Variants in AACS observed in about 807,000 individuals in gnomAD.
The protein encoded by AACS is acetoacetyl-CoA synthetase, also known as acetoacetate-CoA ligase.
AACS carries 69 observed loss-of-function variants against 83.1 expected under a neutral mutation model. The ratio of observed to expected loss-of-function variants is 0.83; its 90% CI spans 0.68 to 1.01. The LOEUF (loss-of-function observed/expected upper bound fraction) is 1.01, where lower values mean the gene tolerates loss of function less well. Among genes scored for constraint, AACS ranks in the 50% least tolerant of loss-of-function variants. The pLI, the probability that AACS is intolerant of heterozygous loss-of-function variation, is 0.00. For missense variants in AACS, 866 were observed against 882.2 expected (o/e 0.98, Z 0.23); for synonymous variants, 333 against 343.4 (o/e 0.97, Z 0.33).
At chr12:125,078,312 T>C (rs1305599898) in intron 3 of AACS, 1 of 456,252 alleles carries the variant, frequency 2.2e-6, no homozygotes, top group Non-Finnish European at 4.4e-6. Flanking sequence ...TGGGCACTTC[T>C]GATGCACATT....
In AACS at chr12:125,130,846, C is replaced by G. The variant is rs764241927; in HGVS notation, c.1549+1386C>G. ...AAGTCAGTTTTAAAGGTAGCTTCCT[C>G]CAATACTTCCTGAGTGTAGGTGAGA... On this transcript the variant is annotated intron_variant, in intron 14 of 17. Transcript: ENST00000316519. This position sits in a 1 kb window ranked among gnomAD's most constrained non-coding sequence, Gnocchi z 4.9. Among the ~76,000 whole-genome samples, 2 of 152,130 alleles carry G rather than the reference C, an allele frequency of 1.3e-5. No individual in the cohort carries two copies. The highest frequency in any genetic ancestry group is 2.9e-5 in the Non-Finnish European group (2 of 68,026).
chr12:125,119,781 G>A lies in AACS; in HGVS notation c.1121+1016G>A, dbSNP rs1335429215. 5.9e-5 allele frequency: 9 copies of A among 152,184 alleles called. No homozygotes were observed. In the East Asian group the frequency reaches 1.7e-3, roughly 29 times the overall value. 9.4% of individuals were successfully genotyped at this position (152,184 alleles called of 1,614,324 possible). On this transcript the variant is annotated intron_variant, in intron 10 of 17. Transcript: ENST00000316519. ...CATATCAGAGATGAAGTGAGGTGAA[G>A]GCTGAACGCACAGGGGAGGTATGTG...
chr12:125,120,924 G>C (rs1441935160), intron 10 of AACS: 3 of 152,406 alleles, frequency 2.0e-5, no homozygotes, highest in African/African-American at 7.2e-5. Context: ...ATAGGTGTCG[G>C]GTGTGTGTGC....
At chr12:125,136,153 G>A (rs576919115) in intron 16 of AACS, 5 of 157,258 alleles carry the variant, frequency 3.2e-5, no homozygotes, top group Non-Finnish European at 5.6e-5. Context: ...GGGCTCAGGC[G>A]ATCCTCCTGC....
rs1485103059 is a variant in AACS at position 125,094,166 on chromosome 12, G to T, written c.570+2643G>T. Among the ~76,000 whole-genome samples the T allele has an allele frequency of 6.6e-6, 1 of 152,158 alleles. No homozygotes were observed. Among genetic ancestry groups the T allele is most frequent in the African/African-American group, 2.4e-5 (1 of 41,434 alleles). On this transcript the variant is annotated intron_variant, in intron 5 of 17. Transcript: ENST00000316519. This position sits in a 1 kb window ranked among gnomAD's most constrained non-coding sequence, Gnocchi z 4.1. ...GCCAAGGCTGATGGGTTCTGGGCTC[G>T]TGGACAGTTCCTGCATCGGTTTGCA... is the stretch of plus-strand genomic sequence containing the variant.
rs1957467162 is a variant in AACS, at chr12:125,140,427, T to TGGAC, written c.1882-1664_1882-1661dup. The TGGAC allele has an allele frequency of 6.6e-6, 1 of 152,206 alleles. No individual in the cohort carries two copies. The highest frequency in any genetic ancestry group is 1.9e-4 in the East Asian group (1 of 5,204). The allele number at this position is 152,206 out of a possible 1,614,324, so 9.4% of individuals were successfully genotyped here. A position where few individuals can be genotyped will look rare whatever the true frequency, so the allele number is the denominator to read the frequency against. Reference sequence around the variant, plus strand: ...GGTATTAGCTCCCGTGAGCTGCACGTGGACCCCTGTGTGAAGCGTAGCAGG... The same window carrying TGGAC: ...GGTATTAGCTCCCGTGAGCTGCACGTGGACGGACCCCTGTGTGAAGCGTAGCAGG... On this transcript the variant is annotated intron_variant, in intron 17 of 17. Transcript: ENST00000316519. The surrounding 1 kb of genome is among the most constrained non-coding windows in gnomAD (Gnocchi z 5.1).
chr12:125,110,189 TTGTGTGTGTGTGTGTGTGTGTGTGTG>T (rs59856503), intron 8 of AACS, among the ~76,000 whole-genome samples: 28,520 of 119,010 alleles, frequency 0.24, 3,689 homozygotes, highest in East Asian at 0.48. Context: ...CCGGCTAAGT[TTGTGTGTGTGTGTGTGTGTGTGTGTG>T]TGTGTGTGTG....
intron 3 of AACS, chr12:125,078,163 C>T (rs1186394299): frequency 2.2e-6 from 1 of 456,254 alleles, no homozygotes; most frequent in Non-Finnish European, 4.4e-6. Flanking sequence ...CAGAGCAGGG[C>T]CTCCCTTCTG....
At chr12:125,088,027 A>T (rs1285758617) in intron 4 of AACS, among the ~76,000 whole-genome samples, 1 of 152,000 alleles carries the variant, frequency 6.6e-6, no homozygotes, top group Non-Finnish European at 1.5e-5. Flanking sequence ...AGCTGCTTTC[A>T]TCATAGTCCT....
At chr12:125,109,731 G>T (rs535142955) in intron 8 of AACS, among the ~76,000 whole-genome samples, 9 of 152,264 alleles carry the variant, frequency 5.9e-5, no homozygotes, top group Non-Finnish European at 1.3e-4. Context: ...CACGTCAGTC[G>T]TCAGGTCTCC....
chr12:125,133,804 G>A (rs1957360867), intron 14 of AACS, among the ~76,000 whole-genome samples, 199 bp from the exon 15 acceptor site: 1 of 152,206 alleles, frequency 6.6e-6, no homozygotes, highest in African/African-American at 2.4e-5. Flanking sequence ...GGCGGTGTCA[G>A]AGCTGCCCGG....
At chr12:125,082,377 T>C (rs1410688789) in intron 3 of AACS, among the ~76,000 whole-genome samples, 1 of 149,622 alleles carries the variant, frequency 6.7e-6, no homozygotes, top group Non-Finnish European at 1.5e-5. Flanking sequence ...GGTCTCCCCA[T>C]ATTGCCTAGG....
In AACS at chr12:125,129,230, G is replaced by A. The variant is rs1432786694; in HGVS notation, c.1424-105G>A. On this transcript the variant is annotated intron_variant, in intron 13 of 17. Transcript: ENST00000316519. The surrounding 1 kb of genome is among the most constrained non-coding windows in gnomAD (Gnocchi z 4.3). ...GGACCATCTCTGTACCTTTGTATAT[G>A]TCTGGAATATTGCATAATAAGTAAT... 1.2e-5 allele frequency: 17 copies of A among 1,463,996 alleles called. No homozygotes were observed. Among genetic ancestry groups the A allele is most frequent in the Admixed American group, 1.2e-4 (5 of 43,438 alleles). 90.7% of individuals were successfully genotyped at this position (1,463,996 alleles called of 1,614,324 possible). A position where few individuals can be genotyped will look rare whatever the true frequency, so the allele number is the denominator to read the frequency against.
At chr12:125,096,806 C>T (rs1361904416) in intron 5 of AACS, among the ~76,000 whole-genome samples, 1 of 151,962 alleles carries the variant, frequency 6.6e-6, no homozygotes, top group Non-Finnish European at 1.5e-5. Context: ...TCGGGGGGTG[C>T]ATCTGGGCAC....
Position 125,142,411 on chromosome 12 carries a change from C to T in AACS, c.*182C>T, listed in dbSNP as rs1462863161. The T allele has an allele frequency of 2.3e-5, 19 of 833,684 alleles. No homozygotes were observed. Among genetic ancestry groups the T allele is most frequent in the Non-Finnish European group, 3.1e-5 (17 of 554,946 alleles). The allele number at this position is 833,684 out of a possible 1,614,324, so 51.6% of individuals were successfully genotyped here. A position where few individuals can be genotyped will look rare whatever the true frequency, so the allele number is the denominator to read the frequency against. ...CTGGTGGGTACCTGGATCTTCCACACGAGTGGGATTCTGGCCTTCAGAGAC... is the reference window on the plus strand; with the variant it reads ...CTGGTGGGTACCTGGATCTTCCACATGAGTGGGATTCTGGCCTTCAGAGAC... On this transcript the variant is annotated 3_prime_UTR_variant, in exon 18 of 18. Coordinates refer to ENST00000316519, the MANE Select transcript of AACS (RefSeq NM_023928.5).
chr12:125,102,390 G>C, intron 5 of AACS: 1 of 319,860 alleles, frequency 3.1e-6, no homozygotes, highest in Non-Finnish European at 6.0e-6. Flanking sequence ...TGGGGACACA[G>C]GGACCTGGTC....
exon 18 of AACS, chr12:125,143,302 ATGTGTGCACATGCACCCATGCTG>A (rs1565961497): frequency 6.6e-6 from 1 of 152,268 alleles, no homozygotes; most frequent in African/African-American, 2.4e-5. Context: ...AAATGTATAC[ATGTGTGCACATGCACCCATGCTG>A]TGTGTGCAGT....
chr12:125,072,655 C>T (rs1955902014), intron 1 of AACS, among the ~76,000 whole-genome samples: 1 of 152,208 alleles, frequency 6.6e-6, no homozygotes, highest in African/African-American at 2.4e-5. Flanking sequence ...CTGATTGGCT[C>T]ACTGTGGCCA....
chr12:125,108,823 A>G (rs542326355), intron 8 of AACS, among the ~76,000 whole-genome samples: 2 of 145,212 alleles, frequency 1.4e-5, no homozygotes, highest in East Asian at 4.1e-4. Flanking sequence ...GTGTGCCGCT[A>G]TGCCCTACTC....
Sources: gnomAD v4.1 joint callset for allele counts (sites outside exome capture counted in the v4.1 genomes callset) on GRCh38, gnomAD v4.1.1 for gene constraint, Gnocchi (gnomAD v3.1) non-coding constraint, MANE v1.5 for transcripts, NCBI Gene and HGNC (gene_info 2026-07-23, HGNC 2026-07-21) for gene names.